Variants in TMEM182 observed in about 807,000 individuals in gnomAD.
The protein encoded by TMEM182 is transmembrane protein 182.
Under a neutral mutation model 26.8 loss-of-function variants are expected in TMEM182, and 20 were observed. The observed-to-expected ratio is 0.75, with a 90% confidence interval of 0.53 to 1.09. The LOEUF is 1.09. Among genes scored for constraint, TMEM182 ranks in the 50% least tolerant of loss-of-function variants. TMEM182 has a pLI of 0.00. For missense variants in TMEM182, 277 were observed against 275.5 expected, an observed-to-expected ratio of 1.01 and a Z score of -0.04; for synonymous variants, 109 against 102.2, an observed-to-expected ratio of 1.07 and a Z score of -0.40.
At chr2:102,811,181 G>A (rs1001836301) in intron 4 of TMEM182, among the ~76,000 whole-genome samples, 10 of 150,748 alleles carry the variant, frequency 6.6e-5, no homozygotes, top group Non-Finnish European at 1.5e-4. Context: ...TTTGAAAAAA[G>A]TACAGGCCTG....
At chr2:102,764,489 G>A in intron 3 of TMEM182, 62 bp downstream of exon 3, 1 of 1,399,682 alleles carries the variant, frequency 7.1e-7, no homozygotes, top group Non-Finnish European at 9.9e-7. Flanking sequence ...AGGATGCCCA[G>A]ATCAAAATTG....
intron 3 of TMEM182, among the ~76,000 whole-genome samples, chr2:102,767,673 A>G (rs1680507743): frequency 6.6e-6 from 1 of 152,204 alleles, no homozygotes; most frequent in African/African-American, 2.4e-5. Context: ...CCTGGTAATT[A>G]CTAGATGCTT....
chr2:102,792,327 A>G (rs1271828208), intron 3 of TMEM182, among the ~76,000 whole-genome samples: 6 of 152,288 alleles, frequency 3.9e-5, no homozygotes, highest in South Asian at 2.1e-4. Context: ...TTCATATATT[A>G]TATCAATTAA....
chr2:102,809,883 T>G (rs1194180038), intron 4 of TMEM182, among the ~76,000 whole-genome samples: 1 of 152,220 alleles, frequency 6.6e-6, no homozygotes, highest in Admixed American at 6.5e-5. Flanking sequence ...ATAATGAGTG[T>G]TTTGACTGTG....
intron 3 of TMEM182, among the ~76,000 whole-genome samples, chr2:102,786,519 C>T (rs1681404118): frequency 6.6e-6 from 1 of 152,098 alleles, no homozygotes; most frequent in Admixed American, 6.6e-5. Flanking sequence ...AGCCTGAGCT[C>T]ACTTACTTAG....
At position 102,815,317 on chromosome 2, in the gene TMEM182, C is replaced by A. The variant is rs1402710310; in HGVS notation, c.*349C>A. 3 of 1,009,818 alleles carry A rather than the reference C, an allele frequency of 3.0e-6. No individual in the cohort carries two copies. The highest frequency in any genetic ancestry group is 3.5e-6 in the Non-Finnish European group (3 of 846,734). 62.6% of individuals were successfully genotyped at this position (1,009,818 alleles called of 1,614,324 possible). On this transcript the variant is annotated 3_prime_UTR_variant, in exon 5 of 5. Transcript: ENST00000412401. ...TCTCGATAGATTTGGCTTAAAGTCT[C>A]CTTGGCATTCACTTCTGCTAATTAA...
intron 3 of TMEM182, among the ~76,000 whole-genome samples, chr2:102,779,361 G>A (rs1681061182): frequency 6.6e-6 from 1 of 152,034 alleles, no homozygotes; most frequent in Admixed American, 6.6e-5. Flanking sequence ...TTAGATTTAT[G>A]TCTTTTGATG....
intron 3 of TMEM182, among the ~76,000 whole-genome samples, chr2:102,790,711 A>G (rs957402251): frequency 2.6e-5 from 4 of 152,086 alleles, no homozygotes; most frequent in Middle Eastern, 3.2e-3. Flanking sequence ...TACTCACATC[A>G]CTTTGAATTT....
chr2:102,807,807 C>T (rs961444396), intron 4 of TMEM182, among the ~76,000 whole-genome samples: 18 of 152,084 alleles, frequency 1.2e-4, no homozygotes, highest in Admixed American at 1.3e-4. Context: ...TCAGACACTT[C>T]GATTTCTAAG....
At chr2:102,800,887 A>G (rs567153849) in intron 4 of TMEM182, among the ~76,000 whole-genome samples, 43 of 150,012 alleles carry the variant, frequency 2.9e-4, no homozygotes, top group Non-Finnish European at 5.0e-4. Context: ...CCATTTTGCA[A>G]TTTGTGCAAA....
At chr2:102,762,488 T>C (rs1680253602) in intron 1 of TMEM182, 99 bp from the exon 2 acceptor site, 2 of 1,527,918 alleles carry the variant, frequency 1.3e-6, no homozygotes. Flanking sequence ...AGCTTCATTA[T>C]TTGGGATAAA....
intron 3 of TMEM182, among the ~76,000 whole-genome samples, chr2:102,789,147 C>T (rs1051600327): frequency 2.0e-5 from 3 of 152,180 alleles, no homozygotes; most frequent in Non-Finnish European, 4.4e-5. Context: ...TCATTTGGAA[C>T]ATTTTATAGC....
At chr2:102,824,692 G>A (rs1682997557) in intron 3 of TMEM182, among the ~76,000 whole-genome samples, 1 of 152,146 alleles carries the variant, frequency 6.6e-6, no homozygotes, top group South Asian at 2.1e-4. Context: ...AGGCATGGTG[G>A]TGGTGTGCAT....
chr2:102,744,846 T>C (rs1276682538), intron 1 of TMEM182, among the ~76,000 whole-genome samples: 1 of 152,166 alleles, frequency 6.6e-6, no homozygotes, highest in African/African-American at 2.4e-5. Flanking sequence ...GTCTTTGACT[T>C]TCAGCATTTT....
intron 3 of TMEM182, among the ~76,000 whole-genome samples, chr2:102,787,583 G>A (rs1048676616): frequency 3.3e-5 from 5 of 152,166 alleles, no homozygotes; most frequent in Admixed American, 2.0e-4. Context: ...TCTAGTTAGA[G>A]GAAACAGGAT....
intron 3 of TMEM182, among the ~76,000 whole-genome samples, chr2:102,769,407 G>A (rs1343805789): frequency 6.6e-6 from 1 of 152,108 alleles, no homozygotes; most frequent in East Asian, 1.9e-4. Context: ...TTTCAAATAG[G>A]TGTAATTCAG....
At position 102,798,663 on chromosome 2, in the gene TMEM182, A is replaced by T. The variant is rs374332271; in HGVS notation, c.469+663A>T. Among the ~76,000 whole-genome samples the T allele has an allele frequency of 2.0e-5, 3 of 152,034 alleles. No individual in the cohort carries two copies. In the East Asian group the frequency reaches 5.8e-4, roughly 29 times the overall value. Reference sequence around the variant, plus strand: ...AGAACAGCCTGGCCAACATGGTGAAACCCTGTTTCTACTAAAAATACAAAA... The same window carrying T: ...AGAACAGCCTGGCCAACATGGTGAATCCCTGTTTCTACTAAAAATACAAAA... On this transcript the variant is annotated intron_variant, in intron 4 of 4. Transcript: ENST00000412401.
chr2:102,825,999 C>T (rs1450425221), intron 3 of TMEM182, among the ~76,000 whole-genome samples: 1 of 152,178 alleles, frequency 6.6e-6, no homozygotes, highest in Non-Finnish European at 1.5e-5. Flanking sequence ...TTGCTTGAGG[C>T]TACATGTTGA....
At chr2:102,755,177 G>GA (rs1306071054) in intron 1 of TMEM182, among the ~76,000 whole-genome samples, 1 of 152,048 alleles carries the variant, frequency 6.6e-6, no homozygotes, top group Admixed American at 6.6e-5. Context: ...GGATAAGAGG[G>GA]AAAAAAAGGA....
Sources: allele counts gnomAD v4.1 joint callset (sites outside exome capture counted in the v4.1 genomes callset), GRCh38; gene constraint gnomAD v4.1.1; transcripts MANE v1.5; gene names NCBI Gene and HGNC (gene_info 2026-07-23, HGNC 2026-07-21).